Variants in CRIM1 observed in about 807,000 individuals in gnomAD.
CRIM1 encodes the protein cysteine-rich motor neuron 1 protein.
Under a neutral mutation model 116.4 loss-of-function variants are expected in CRIM1, and 32 were observed. The ratio of observed to expected loss-of-function variants is 0.27; its 90% CI spans 0.21 to 0.37. The LOEUF (loss-of-function observed/expected upper bound fraction) is 0.37. Ranked by LOEUF, CRIM1 falls within the 10% of genes least tolerant of loss-of-function variation. CRIM1 has a pLI of 1.00. For synonymous variants in CRIM1, 590 were observed against 509.2 expected (o/e 1.16, Z -2.13); for missense variants, 1,331 against 1,354.8 (o/e 0.98, Z 0.28).
rs538430878 is a variant in CRIM1, at chr2:36,517,455, C to T, written c.2119C>T (p.Arg707Trp). Residue 707 changes from arginine (R) to tryptophan (W), a missense_variant, in exon 12 of 17, where the codon CGG (arginine) becomes TGG (tryptophan). By Grantham distance (101) the Arg-to-Trp change is moderately radical (BLOSUM62 -3). This residue lies in a region of CRIM1 where 358 missense variants were observed against 436.1 expected (regional missense o/e 0.82). Transcript: ENST00000280527. ...SCTQCTCHSG[R>W]VLCETEVCPP... The stretch of plus-strand genomic sequence containing the variant: ...TACTCAGTGCACCTGCCACAGCGGA[C>T]GGGTGCTGTGTGAGACAGAGGTGTG... 4.2e-5 allele frequency: 68 copies of T among 1,614,212 alleles called. 2 individuals are homozygous for T. The South Asian group carries it at 6.9e-4, about 16-fold the overall frequency.
rs1209554676 is a variant in CRIM1, at chr2:36,499,193, T to C, written c.1373-26T>C. On this transcript the variant is annotated intron_variant, in intron 7 of 16. Coordinates refer to ENST00000280527, the MANE Select transcript of CRIM1 (RefSeq NM_016441.3). ...AAAAGGTAATCATATGTTTCATTGGTTATTTTTTTCTCTATTTATTATTAG... is the reference window on the plus strand; with the variant it reads ...AAAAGGTAATCATATGTTTCATTGGCTATTTTTTTCTCTATTTATTATTAG... 2.5e-6 allele frequency: 4 copies of C among 1,579,942 alleles called. No homozygotes were observed. The African/African-American group carries it at 5.4e-5, about 21-fold the overall frequency.
Position 36,393,378 on chromosome 2 carries a change from A to ATG in CRIM1, c.332-3228_332-3227dup, listed in dbSNP as rs1175879827. 2.6e-5 allele frequency among the ~76,000 whole-genome samples: 4 copies of ATG among 152,032 alleles called. No individual in the cohort carries two copies. The East Asian group carries it at 7.7e-4, about 29-fold the overall frequency. ...GTTTTCCTTGTGATGTTTTGTATAT[A>ATG]TGTGTGTGTATATATGTATACACAC... On this transcript the variant is annotated intron_variant, in intron 1 of 16. Transcript: ENST00000280527.
intron 1 of CRIM1, among the ~76,000 whole-genome samples, chr2:36,374,678 GA>G (rs768616606): frequency 3.3e-5 from 5 of 151,588 alleles, no homozygotes; most frequent in East Asian, 1.9e-4. Context: ...AGCAAGAAAG[GA>G]AAAAAAATTC....
chr2:36,390,007 C>T (rs963919308), intron 1 of CRIM1, among the ~76,000 whole-genome samples: 1 of 152,096 alleles, frequency 6.6e-6, no homozygotes, highest in Admixed American at 6.5e-5. Context: ...TGCCCACTTT[C>T]CTGCCCTCAG....
At chr2:36,453,578 A>G (rs1247141061) in intron 4 of CRIM1, among the ~76,000 whole-genome samples, 4 of 152,192 alleles carry the variant, frequency 2.6e-5, no homozygotes, top group Non-Finnish European at 5.9e-5. Flanking sequence ...TCAAAACCCC[A>G]TAGTGTTCTT....
chr2:36,358,113 C>T (rs1390571067), intron 1 of CRIM1, among the ~76,000 whole-genome samples: 3 of 112,054 alleles, frequency 2.7e-5, no homozygotes, highest in Non-Finnish European at 5.9e-5. Flanking sequence ...TGCTTTGCTG[C>T]ACACGTAAGA....
intron 1 of CRIM1, among the ~76,000 whole-genome samples, chr2:36,387,547 T>G (rs1671257307): frequency 6.6e-6 from 1 of 152,152 alleles, no homozygotes; most frequent in Admixed American, 6.5e-5. Flanking sequence ...AACTATTGGA[T>G]TTTACTCTCA....
chr2:36,427,748 C>A (rs910756422), intron 2 of CRIM1, among the ~76,000 whole-genome samples: 5 of 152,202 alleles, frequency 3.3e-5, no homozygotes, highest in African/African-American at 1.2e-4. Context: ...TCCTCATGGG[C>A]GCTCTCTCTG....
At chr2:36,397,043 T>C (rs985587466) in intron 2 of CRIM1, among the ~76,000 whole-genome samples, 4 of 152,188 alleles carry the variant, frequency 2.6e-5, no homozygotes, top group Non-Finnish European at 5.9e-5. Context: ...CTCTGCATAA[T>C]GGATGATTTC....
chr2:36,435,105 C>T (rs551019211), intron 2 of CRIM1, among the ~76,000 whole-genome samples: 3 of 152,218 alleles, frequency 2.0e-5, no homozygotes, highest in Admixed American at 1.3e-4. Flanking sequence ...GACCAAGGGC[C>T]CCCGTGATAC....
At chr2:36,465,979 A>G (rs113941719) in intron 5 of CRIM1, among the ~76,000 whole-genome samples, 9,943 of 150,520 alleles carry the variant, frequency 0.066, 736 homozygotes, top group East Asian at 0.39. Flanking sequence ...TCTGCCTCCC[A>G]GGTTCACGCC....
chr2:36,429,442 A>T (rs1674704078), intron 2 of CRIM1, among the ~76,000 whole-genome samples: 1 of 152,140 alleles, frequency 6.6e-6, no homozygotes, highest in Non-Finnish European at 1.5e-5. Flanking sequence ...TCAGGCCTAG[A>T]TGCTGGGCTC....
intron 1 of CRIM1, among the ~76,000 whole-genome samples, chr2:36,361,335 C>A (rs1669209721): frequency 6.6e-6 from 1 of 152,132 alleles, no homozygotes; most frequent in Non-Finnish European, 1.5e-5. Flanking sequence ...ATGAAGAAAA[C>A]TGAACAGTCC....
intron 2 of CRIM1, among the ~76,000 whole-genome samples, chr2:36,427,965 C>G (rs1044355499): frequency 6.6e-6 from 1 of 152,196 alleles, no homozygotes. Context: ...GCTCTTCTGA[C>G]CTTTCTTAGC....
intron 2 of CRIM1, among the ~76,000 whole-genome samples, chr2:36,400,073 C>G (rs1217801222): frequency 6.6e-6 from 1 of 151,982 alleles, no homozygotes; most frequent in Non-Finnish European, 1.5e-5. Context: ...CTTGACCATT[C>G]TGGTAGAAAG....
At chr2:36,526,957 T>C (rs1011163661) in intron 13 of CRIM1, among the ~76,000 whole-genome samples, 1 of 152,206 alleles carries the variant, frequency 6.6e-6, no homozygotes, top group Admixed American at 6.5e-5. Flanking sequence ...ATGTGTTGGC[T>C]AAGTCTTAAG....
chr2:36,524,959 T>C (rs1443501382), intron 13 of CRIM1, among the ~76,000 whole-genome samples: 1 of 152,202 alleles, frequency 6.6e-6, no homozygotes, highest in Non-Finnish European at 1.5e-5. Context: ...TGCTAAATTG[T>C]GGTTCATATG....
At chr2:36,408,860 T>A (rs899523374) in intron 2 of CRIM1, among the ~76,000 whole-genome samples, 4 of 152,038 alleles carry the variant, frequency 2.6e-5, no homozygotes, top group African/African-American at 9.7e-5. Context: ...TAGCATAAAC[T>A]CACAGACAGT....
intron 1 of CRIM1, among the ~76,000 whole-genome samples, chr2:36,371,533 C>T (rs552081146): frequency 5.3e-5 from 8 of 152,284 alleles, no homozygotes; most frequent in African/African-American, 1.9e-4. Flanking sequence ...TGGCACTCCC[C>T]GTTAAGAGAA....
Sources: gnomAD v4.1 joint callset for allele counts (sites outside exome capture counted in the v4.1 genomes callset) on GRCh38, gnomAD v4.1.1 for gene constraint, gnomAD v4.1.1 regional missense constraint, MANE v1.5 for transcripts, NCBI Gene and HGNC (gene_info 2026-07-23, HGNC 2026-07-21) for gene names.